The following STRN variants were observed in gnomAD, a reference collection of about 807,000 sequenced individuals.
STRN encodes the protein protein phosphatase 2 regulatory subunit B'''alpha.
In STRN, 53 loss-of-function variants were observed where a neutral mutation model predicts 96.3. That is an observed-to-expected ratio of 0.55 (90% confidence interval 0.44 to 0.69). The LOEUF is 0.69. STRN is among the 30% of genes least tolerant of loss of function. STRN has a pLI of 0.00. For missense variants in STRN, 987 were observed against 963.9 expected (o/e 1.02, Z -0.32); for synonymous variants, 428 against 355.9 (o/e 1.20, Z -2.28).
At chr2:36,852,651 G>A (rs1046486124) in intron 15 of STRN, among the ~76,000 whole-genome samples, 3 of 152,090 alleles carry the variant, frequency 2.0e-5, no homozygotes, top group Admixed American at 2.0e-4. Flanking sequence ...TACCTTTTCT[G>A]CAAGTTTAAA....
intron 1 of STRN, among the ~76,000 whole-genome samples, chr2:36,964,595 T>A (rs1665113451): frequency 6.6e-6 from 1 of 152,112 alleles, no homozygotes; most frequent in African/African-American, 2.4e-5. Context: ...CCAAATAATA[T>A]AAACATGTAA....
At chr2:36,881,380 A>T (rs1251166923) in intron 9 of STRN, among the ~76,000 whole-genome samples, 1 of 152,064 alleles carries the variant, frequency 6.6e-6, no homozygotes, top group African/African-American at 2.4e-5. Context: ...TGCCCACCTC[A>T]GCCTCCCAAA....
intron 7 of STRN, among the ~76,000 whole-genome samples, chr2:36,890,339 G>A (rs1037355177): frequency 6.6e-6 from 1 of 152,098 alleles, no homozygotes; most frequent in African/African-American, 2.4e-5. Flanking sequence ...GAAAAGAAGT[G>A]TCATTGGTAC....
At chr2:36,947,569 T>TTTTA (rs1664614554) in intron 1 of STRN, among the ~76,000 whole-genome samples, 2 of 145,776 alleles carry the variant, frequency 1.4e-5, no homozygotes, top group South Asian at 2.1e-4. Context: ...TACATATATA[T>TTTTA]TATATATATA....
chr2:36,899,221 C>T (rs1409712166), intron 6 of STRN, among the ~76,000 whole-genome samples: 1 of 152,206 alleles, frequency 6.6e-6, no homozygotes, highest in Non-Finnish European at 1.5e-5. Context: ...TCTCTTGTAA[C>T]AACCAATAAC....
chr2:36,882,128 T>C (rs1433292472), intron 9 of STRN, among the ~76,000 whole-genome samples: 1 of 152,074 alleles, frequency 6.6e-6, no homozygotes, highest in Non-Finnish European at 1.5e-5. Context: ...ATTCCAATCG[T>C]GAAAATCTAG....
At chr2:36,897,919 G>T (rs1669588236) in intron 6 of STRN, among the ~76,000 whole-genome samples, 1 of 151,788 alleles carries the variant, frequency 6.6e-6, no homozygotes, top group African/African-American at 2.4e-5. Context: ...CCAAACTCCT[G>T]GCCTCAAGTG....
chr2:36,921,981 A>G (rs915260469), intron 2 of STRN, among the ~76,000 whole-genome samples: 6 of 152,240 alleles, frequency 3.9e-5, no homozygotes, highest in African/African-American at 1.4e-4. Context: ...AGATAATAGA[A>G]TATCAATGTT....
intron 1 of STRN, among the ~76,000 whole-genome samples, chr2:36,953,091 C>T (rs1306772072): frequency 6.6e-6 from 1 of 152,194 alleles, no homozygotes; most frequent in African/African-American, 2.4e-5. Context: ...CAAATGAATG[C>T]TAATGAAACC....
chr2:36,964,266 GTTT>G (rs1665102066), intron 1 of STRN, among the ~76,000 whole-genome samples: 1 of 145,638 alleles, frequency 6.9e-6, no homozygotes, highest in African/African-American at 2.6e-5. Flanking sequence ...TGTGTGTTTT[GTTT>G]TTGTTTTTTT....
intron 1 of STRN, among the ~76,000 whole-genome samples, chr2:36,925,570 A>T (rs1240286160): frequency 2.0e-5 from 3 of 152,146 alleles, no homozygotes; most frequent in Non-Finnish European, 2.9e-5. Flanking sequence ...TGAGGTGAAG[A>T]GTTCAAGACC....
intron 13 of STRN, among the ~76,000 whole-genome samples, 167 bp downstream of exon 13, chr2:36,860,965 T>C (rs189991730): frequency 6.6e-6 from 1 of 152,380 alleles, no homozygotes; most frequent in Non-Finnish European, 1.5e-5. Flanking sequence ...TAGCATTGTA[T>C]ATCAAGTTAA....
intron 1 of STRN, among the ~76,000 whole-genome samples, chr2:36,952,494 T>C (rs1413247715): frequency 6.6e-6 from 1 of 151,036 alleles, no homozygotes; most frequent in African/African-American, 2.4e-5. Context: ...CTACTTACCA[T>C]GCCCAGACCC....
At chr2:36,902,545 CTAA>C in intron 5 of STRN, 36 bp downstream of exon 5, 2 of 1,531,902 alleles carry the variant, frequency 1.3e-6, no homozygotes, top group Middle Eastern at 1.8e-4. Context: ...TTAATAAGAA[CTAA>C]TAATAGCTAA....
At position 36,905,621 on chromosome 2, in the gene STRN, A is replaced by G. The variant is rs953735804; in HGVS notation, c.413-3T>C. ...CACTTCTGTTTCATTACCTTCATCT[A>G]GAAAACATTAAGTCATAATAAAACT... On this transcript the variant is annotated splice_polypyrimidine_tract_variant and splice_region_variant and intron_variant, in intron 3 of 17. Coordinates refer to ENST00000263918, the MANE Select transcript of STRN (RefSeq NM_003162.4). 9 of 1,612,368 alleles carry G rather than the reference A, an allele frequency of 5.6e-6. No individual in the cohort carries two copies. In the Admixed American group the frequency reaches 1.5e-4, roughly 27 times the overall value.
intron 7 of STRN, among the ~76,000 whole-genome samples, chr2:36,892,196 C>A (rs1669419187): frequency 6.6e-6 from 1 of 152,124 alleles, no homozygotes; most frequent in African/African-American, 2.4e-5. Flanking sequence ...TCACTTATAA[C>A]TGGGAGCTAA....
intron 1 of STRN, among the ~76,000 whole-genome samples, chr2:36,960,491 C>T (rs114644279): frequency 0.013 from 2,041 of 152,208 alleles, 13 homozygotes; most frequent in Non-Finnish European, 0.021. Context: ...AGGAGATAAC[C>T]GAGAGCAAAA....
chr2:36,905,461 G>T (rs1669796498), intron 4 of STRN, 79 bp downstream of exon 4: 11 of 1,288,530 alleles, frequency 8.5e-6, no homozygotes, highest in Middle Eastern at 1.8e-4. Flanking sequence ...CATCTGACTT[G>T]AAAATACACA....
At chr2:36,906,807 A>G (rs911888531) in intron 3 of STRN, among the ~76,000 whole-genome samples, 4 of 151,726 alleles carry the variant, frequency 2.6e-5, no homozygotes, top group Admixed American at 2.0e-4. Context: ...TATAATCCCA[A>G]CTACTCGGGA....
Sources: gnomAD v4.1 joint callset for allele counts (sites outside exome capture counted in the v4.1 genomes callset) on GRCh38, gnomAD v4.1.1 for gene constraint, MANE v1.5 for transcripts, NCBI Gene and HGNC (gene_info 2026-07-23, HGNC 2026-07-21) for gene names.